The following CACNA1G variants were observed in gnomAD, a reference collection of about 807,000 sequenced individuals.
CACNA1G encodes voltage-dependent T-type calcium channel subunit alpha-1G.
CACNA1G carries 67 observed loss-of-function variants against 219.4 expected under a neutral mutation model. The ratio of observed to expected loss-of-function variants is 0.31; its 90% CI spans 0.25 to 0.37. The LOEUF (loss-of-function observed/expected upper bound fraction) is 0.37, where lower values mean the gene tolerates loss of function less well. Among genes scored for constraint, CACNA1G ranks in the 10% least tolerant of loss-of-function variants. The probability of loss-of-function intolerance (pLI) is 1.00; values close to 1 mark genes in which losing one functional copy is unlikely to be tolerated. For synonymous variants in CACNA1G, 1,296 were observed against 1,345.3 expected (o/e 0.96, Z 0.80); for missense variants, 2,380 against 3,231.4 (o/e 0.74, Z 6.39).
Position 50,626,662 on chromosome 17 carries a change from C to CA in CACNA1G, c.7045_7046insA (p.Pro2349HisfsTer2). 6.2e-7 allele frequency: 1 copy of CA among 1,613,350 alleles called. No homozygotes were observed. Among genetic ancestry groups the CA allele is most frequent in the South Asian group, 1.1e-5 (1 of 91,074 alleles). ...CAAGGATCCCTTGGCCTCTGGCCCC[C>CA]CTGACAGCATGGCTGCCTCGCCCTC... On this transcript the variant is annotated frameshift_variant, in exon 38 of 38. Transcript: ENST00000359106. LOFTEE classifies it high-confidence loss of function. The surrounding 1 kb of genome is among the most constrained non-coding windows in gnomAD (Gnocchi z 4.3).
chr17:50,596,634 A>C lies in CACNA1G; in HGVS notation c.3052A>C (p.Lys1018Gln). The change falls in exon 15 of 38, where the codon AAG becomes CAG. Residue 1018 changes from lysine to glutamine, a missense_variant. Transcript: ENST00000359106. The surrounding 1 kb of genome is among the most constrained non-coding windows in gnomAD (Gnocchi z 4.8). ...CCTGGATGGTGATGGGGACAGGAAG[A>C]AGTGCTTGGCCTGTGAGTACCTATC... ...PSLDGDGDRKKCLALVSLGEH... is the reference protein window; with the variant it reads ...PSLDGDGDRKQCLALVSLGEH... 1 of 1,613,936 alleles carries C rather than the reference A, an allele frequency of 6.2e-7. No individual in the cohort carries two copies. The highest frequency in any genetic ancestry group is 8.5e-7 in the Non-Finnish European group (1 of 1,179,858).
intron 37 of CACNA1G, among the ~76,000 whole-genome samples, chr17:50,624,781 G>A (rs2053242750): frequency 6.6e-6 from 1 of 152,152 alleles, no homozygotes; most frequent in African/African-American, 2.4e-5. Context: ...CTTGCCCAGG[G>A]TCATGCCTAT....
intron 33 of CACNA1G, 150 bp from the exon 34 acceptor site, chr17:50,619,533 T>TGTGTGTGCACATGTGC: frequency 1.6e-6 from 1 of 622,600 alleles, no homozygotes; most frequent in Non-Finnish European, 2.8e-6. Flanking sequence ...TGTGTTTTTG[T>TGTGTGTGCACATGTGC]GTGTGTGCAC....
intron 9 of CACNA1G, among the ~76,000 whole-genome samples, chr17:50,582,808 T>G (rs1465182741): frequency 2.6e-5 from 4 of 151,690 alleles, no homozygotes; most frequent in Admixed American, 6.6e-5. Context: ...TCTCCTGGGC[T>G]GTAGACGGGG....
At chr17:50,566,756 T>C (rs1287785445) in intron 1 of CACNA1G, among the ~76,000 whole-genome samples, 3 of 152,220 alleles carry the variant, frequency 2.0e-5, no homozygotes. Context: ...GATCATCTGC[T>C]CCGTGCCAGG....
rs1296288773 is a variant in CACNA1G at position 50,618,501 on chromosome 17, C to T, written c.5428-154C>T. On this transcript the variant is annotated intron_variant, in intron 32 of 37. Transcript: ENST00000359106. This position sits in a 1 kb window ranked among gnomAD's most constrained non-coding sequence, Gnocchi z 5.3. ...TCCCTCTCCCAGGAACATGCTCTGA[C>T]TCACACTTGTAGTGCTCCTCTGCCC... 2.6e-5 allele frequency among the ~76,000 whole-genome samples: 4 copies of T among 152,158 alleles called. No individual in the cohort carries two copies. The highest frequency in any genetic ancestry group is 9.7e-5 in the African/African-American group (4 of 41,426).
intron 3 of CACNA1G, 109 bp from the exon 4 acceptor site, chr17:50,569,597 G>A (rs2038889601): frequency 1.3e-6 from 1 of 773,856 alleles, no homozygotes; most frequent in Non-Finnish European, 2.1e-6. Flanking sequence ...AGAAGAAGAA[G>A]GAGTCAGAGG....
intron 8 of CACNA1G, 88 bp downstream of exon 8, chr17:50,576,414 G>A (rs2040666670): frequency 1.5e-6 from 2 of 1,293,278 alleles, no homozygotes; most frequent in Non-Finnish European, 2.2e-6. Flanking sequence ...GGAGTCAGAG[G>A]GACCAGGGCT....
intron 26 of CACNA1G, among the ~76,000 whole-genome samples, chr17:50,612,514 T>C (rs1204876840): frequency 1.3e-5 from 2 of 152,222 alleles, no homozygotes; most frequent in South Asian, 2.1e-4. Context: ...CCCTCTTTCC[T>C]TCCACCAGGC....
intron 1 of CACNA1G, among the ~76,000 whole-genome samples, chr17:50,562,768 A>G (rs200720031): frequency 1.2e-4 from 19 of 152,156 alleles, no homozygotes; most frequent in Admixed American, 6.5e-5. Context: ...CTCCGCAGAT[A>G]GGTTTGGGGA....
intron 34 of CACNA1G, among the ~76,000 whole-genome samples, chr17:50,620,616 C>T (rs576867968): frequency 1.3e-5 from 2 of 152,296 alleles, no homozygotes; most frequent in South Asian, 2.1e-4. Flanking sequence ...GCTGCAGACC[C>T]GGAGTGGAGA....
In CACNA1G at chr17:50,575,909, CACCACT is replaced by C; in HGVS notation, c.1513_1518del (p.Tyr505_His506del). 3 of 1,557,810 alleles carry C rather than the reference CACCACT, an allele frequency of 1.9e-6. No individual in the cohort carries two copies. The highest frequency in any genetic ancestry group is 2.6e-6 in the Non-Finnish European group (3 of 1,151,696). ...GGTGCACCACCACCACCACCATCAC[CACCACT>C]ACCACCTGGGCAATGGGACGCTCAG... is the stretch of plus-strand genomic sequence containing the variant. On this transcript the variant is annotated inframe_deletion, in exon 8 of 38. Transcript: ENST00000359106.
chr17:50,578,051 C>A lies in CACNA1G; in HGVS notation c.1925-137C>A. On this transcript the variant is annotated intron_variant, in intron 8 of 37. Coordinates refer to ENST00000359106, the MANE Select transcript of CACNA1G (RefSeq NM_018896.5). The surrounding 1 kb of genome is among the most constrained non-coding windows in gnomAD (Gnocchi z 4.5). ...GCCCACCTTGCCTGACATTCAGCACCCCTGGCCCACTAAGTGCCTAGCACC... is the reference window on the plus strand; with the variant it reads ...GCCCACCTTGCCTGACATTCAGCACACCTGGCCCACTAAGTGCCTAGCACC... 1 of 1,009,826 alleles carries A rather than the reference C, an allele frequency of 9.9e-7. No individual in the cohort carries two copies. Among genetic ancestry groups the A allele is most frequent in the South Asian group, 2.1e-5 (1 of 47,644 alleles). The allele number at this position is 1,009,826 out of a possible 1,614,324, so 62.6% of individuals were successfully genotyped here. A position where few individuals can be genotyped will look rare whatever the true frequency, so the allele number is the denominator to read the frequency against.
chr17:50,590,693 T>C (rs2145467126), intron 10 of CACNA1G, 71 bp downstream of exon 10: 3 of 1,450,260 alleles, frequency 2.1e-6, no homozygotes, highest in African/African-American at 2.8e-5. Context: ...CCAGGGGCCA[T>C]GCCACCTATT....
rs766365331 is a variant in CACNA1G at position 50,603,041 on chromosome 17, G to A, written c.4011G>A (p.Gly1337=). ...VKVVALGWCF[G]EQAYLRSSWN... is the part of the protein sequence containing the mutation. ...TGGTGGCACTGGGCTGGTGCTTCGG[G>A]GAGCAGGCGTACCTGCGGAGCAGTT... The change falls in exon 21 of 38, where the codon GGG becomes GGA. Residue 1337 remains glycine, a synonymous_variant. Transcript: ENST00000359106. This position sits in a 1 kb window ranked among gnomAD's most constrained non-coding sequence, Gnocchi z 6.4. 11 of 1,612,924 alleles carry A rather than the reference G, an allele frequency of 6.8e-6. No homozygotes were observed. Among genetic ancestry groups the A allele is most frequent in the African/African-American group, 1.3e-5 (1 of 75,000 alleles).
rs555246093 is a variant in CACNA1G at position 50,573,251 on chromosome 17, T to C, written c.1140+138T>C. ...TCCTGTAGAGAGGGCATCCATCATA[T>C]AGTAGGAGGGACACCAGATGCAGAG... On this transcript the variant is annotated intron_variant, in intron 7 of 37. Transcript: ENST00000359106. 17 of 652,908 alleles carry C rather than the reference T, an allele frequency of 2.6e-5. No homozygotes were observed. The South Asian group carries it at 3.0e-4, about 12-fold the overall frequency. 40.4% of individuals were successfully genotyped at this position (652,908 alleles called of 1,614,324 possible). A position where few individuals can be genotyped will look rare whatever the true frequency, so the allele number is the denominator to read the frequency against.
At chr17:50,574,695 T>G (rs1205112511) in intron 7 of CACNA1G, among the ~76,000 whole-genome samples, 6 of 152,116 alleles carry the variant, frequency 3.9e-5, no homozygotes, top group African/African-American at 1.4e-4. Flanking sequence ...CTCTCTGGAA[T>G]CACACTAGTG....
rs768949713 is a variant in CACNA1G at position 50,617,420 on chromosome 17, G to A, written c.5022-18G>A. 11 of 1,605,832 alleles carry A rather than the reference G, an allele frequency of 6.9e-6. No individual in the cohort carries two copies. In the Admixed American group the frequency reaches 8.4e-5, roughly 12 times the overall value. On this transcript the variant is annotated intron_variant, in intron 28 of 37. Coordinates refer to ENST00000359106, the MANE Select transcript of CACNA1G (RefSeq NM_018896.5). This position sits in a 1 kb window ranked among gnomAD's most constrained non-coding sequence, Gnocchi z 5.8. The stretch of plus-strand genomic sequence containing the variant: ...ACCCCCTCCCCCAACTCAGGGAGCT[G>A]TATTCTGGGCTTTCCAGGTGGAACC...
chr17:50,577,010 C>T (rs966672505), intron 8 of CACNA1G, among the ~76,000 whole-genome samples: 5 of 152,188 alleles, frequency 3.3e-5, no homozygotes, highest in Admixed American at 6.5e-5. Context: ...CTGCAGCCCA[C>T]GGCCTGTGTT....
Sources: gnomAD v4.1 joint callset for allele counts (sites outside exome capture counted in the v4.1 genomes callset) on GRCh38, gnomAD v4.1.1 for gene constraint, Gnocchi (gnomAD v3.1) non-coding constraint, MANE v1.5 for transcripts, NCBI Gene and HGNC (gene_info 2026-07-23, HGNC 2026-07-21) for gene names.